TENM3: variants seen among roughly 807,000 people sequenced by gnomAD.
The protein encoded by TENM3 is teneurin transmembrane protein 3.
In TENM3, 63 loss-of-function variants were observed where a neutral mutation model predicts 255.1. The observed-to-expected ratio is 0.25, with a 90% CI of 0.20 to 0.30. The LOEUF (loss-of-function observed/expected upper bound fraction) is 0.30. Ranked by LOEUF, TENM3 falls within the 10% of genes least tolerant of loss-of-function variation. The probability of loss-of-function intolerance (pLI) is 1.00; values close to 1 mark genes in which losing one functional copy is unlikely to be tolerated. For synonymous variants in TENM3, 1,306 were observed against 1,322.3 expected, an observed-to-expected ratio of 0.99 and a Z score of 0.27; for missense variants, 2,929 against 3,461.1, an observed-to-expected ratio of 0.85 and a Z score of 3.86.
At chr4:182,030,816 GT>G in the TENM3 span, among the ~76,000 whole-genome samples, 1 of 151,966 alleles carries the variant, frequency 6.6e-6, no homozygotes, top group East Asian at 1.9e-4. Flanking sequence ...GACGTTGAGC[GT>G]TTTTTTATAT....
intron 19 of TENM3, among the ~76,000 whole-genome samples, chr4:182,750,971 C>A (rs1455418051): frequency 6.6e-6 from 1 of 152,170 alleles, no homozygotes; most frequent in Admixed American, 6.5e-5. Flanking sequence ...AATGATACGT[C>A]ATAATTTGTC....
chr4:182,292,117 T>G (rs1025212725), intron 1 of TENM3, among the ~76,000 whole-genome samples: 3 of 152,174 alleles, frequency 2.0e-5, no homozygotes, highest in Non-Finnish European at 4.4e-5. Flanking sequence ...ACTGCAAGGC[T>G]AAAGAACAAT....
At chr4:181,992,094 A>G in the TENM3 span, among the ~76,000 whole-genome samples, 5 of 152,162 alleles carry the variant, frequency 3.3e-5, no homozygotes, top group African/African-American at 1.2e-4. Flanking sequence ...TCGATAGGGC[A>G]TGTAAAAGTA....
At chr4:181,942,041 C>T in the TENM3 span, among the ~76,000 whole-genome samples, 2 of 152,160 alleles carry the variant, frequency 1.3e-5, no homozygotes, top group Non-Finnish European at 2.9e-5. Flanking sequence ...GGCAGCCCTT[C>T]CGGTGACCTG....
chr4:181,608,051 G>A, the TENM3 span, among the ~76,000 whole-genome samples: 1 of 152,206 alleles, frequency 6.6e-6, no homozygotes, highest in Admixed American at 6.5e-5. Flanking sequence ...CAATTGGCAT[G>A]TAGGTTTGTA....
chr4:181,605,530 GAA>G, the TENM3 span, among the ~76,000 whole-genome samples: 198 of 19,972 alleles, frequency 9.9e-3, 18 homozygotes, highest in Non-Finnish European at 0.017. Context: ...AAGAAAGAAA[GAA>G]AGAAAGAAAG....
rs139714900 is a variant in TENM3, at chr4:182,261,557, G to A, written c.-76+18081G>A. The stretch of plus-strand genomic sequence containing the variant: ...TTTAGGTGTTTCAAATAACAAATGC[G>A]CTTTTAAAGAATAATGGCCTCTATC... On this transcript the variant is annotated intron_variant, in intron 1 of 27. Transcript: ENST00000511685. Among the ~76,000 whole-genome samples the A allele has an allele frequency of 4.4e-3, 672 of 152,254 alleles. 7 individuals carry two copies. Among genetic ancestry groups the A allele is most frequent in the African/African-American group, 0.015 (638 of 41,530 alleles).
chr4:182,273,208 C>T (rs1323577640), intron 1 of TENM3, among the ~76,000 whole-genome samples: 1 of 152,208 alleles, frequency 6.6e-6, no homozygotes, highest in East Asian at 1.9e-4. Context: ...CTCAGTCGAT[C>T]CCCCGACAGC....
chr4:182,525,503 T>C (rs1180083486), intron 3 of TENM3, among the ~76,000 whole-genome samples: 1 of 152,224 alleles, frequency 6.6e-6, no homozygotes, highest in Non-Finnish European at 1.5e-5. Flanking sequence ...TCCATCACAC[T>C]ATGCTTTCTC....
the TENM3 span, among the ~76,000 whole-genome samples, chr4:182,013,967 C>T: frequency 9.4e-6 from 1 of 105,954 alleles, no homozygotes; most frequent in Non-Finnish European, 1.9e-5. Context: ...CACATATATA[C>T]GTATATATAC....
At chr4:181,932,464 A>T in the TENM3 span, among the ~76,000 whole-genome samples, 1 of 152,374 alleles carries the variant, frequency 6.6e-6, no homozygotes, top group Non-Finnish European at 1.5e-5. Flanking sequence ...CCACAATGAG[A>T]TACCATCTCA....
intron 22 of TENM3, 89 bp from the exon 23 acceptor site, chr4:182,773,383 T>C (rs1764421789): frequency 3.3e-6 from 4 of 1,203,052 alleles, no homozygotes; most frequent in Non-Finnish European, 4.7e-6. Flanking sequence ...TCCAAATTTG[T>C]GCAACTAATA....
At chr4:181,908,533 T>C in the TENM3 span, among the ~76,000 whole-genome samples, 5,606 of 152,308 alleles carry the variant, frequency 0.037, 96 homozygotes, top group Non-Finnish European at 0.041. Context: ...TGAATGTTTT[T>C]AATTTTAAGC....
At chr4:181,815,138 G>A in the TENM3 span, among the ~76,000 whole-genome samples, 1 of 152,016 alleles carries the variant, frequency 6.6e-6, no homozygotes, top group African/African-American at 2.4e-5. Flanking sequence ...AATACAACAT[G>A]CAGCTATGGC....
the TENM3 span, among the ~76,000 whole-genome samples, chr4:181,491,186 G>A: frequency 6.6e-6 from 1 of 151,898 alleles, no homozygotes; most frequent in African/African-American, 2.4e-5. Flanking sequence ...AGACAGAATG[G>A]GAGTGGTAAA....
intron 8 of TENM3, 34 bp from the exon 9 acceptor site, chr4:182,680,214 T>C: frequency 6.8e-7 from 1 of 1,470,208 alleles, no homozygotes. Context: ...AGGCAGGCTA[T>C]ACAACAAGTG....
intron 22 of TENM3, among the ~76,000 whole-genome samples, chr4:182,763,113 A>T (rs565601926): frequency 2.6e-5 from 4 of 152,054 alleles, no homozygotes; most frequent in African/African-American, 9.7e-5. Flanking sequence ...GATATAACTT[A>T]AGATTTTCCC....
the TENM3 span, among the ~76,000 whole-genome samples, chr4:181,812,292 G>T: frequency 3.9e-5 from 6 of 152,136 alleles, no homozygotes; most frequent in African/African-American, 1.4e-4. Context: ...TAATACCTTA[G>T]AGCATTTGTT....
chr4:182,721,379 C>G (rs958060111), intron 13 of TENM3, among the ~76,000 whole-genome samples: 1 of 152,134 alleles, frequency 6.6e-6, no homozygotes, highest in Admixed American at 6.5e-5. Context: ...AGGACGATAT[C>G]TTAGAGATTT....
Sources: gnomAD v4.1 joint callset for allele counts (sites outside exome capture counted in the v4.1 genomes callset) on GRCh38, gnomAD v4.1.1 for gene constraint, MANE v1.5 for transcripts, NCBI Gene and HGNC (gene_info 2026-07-23, HGNC 2026-07-21) for gene names.